Variants in MRPS9 observed in about 807,000 individuals in gnomAD.
MRPS9 encodes the protein mitochondrial ribosomal protein S9.
A neutral mutation model predicts 59.9 loss-of-function variants in MRPS9; 45 were observed. That is an observed-to-expected ratio of 0.75 (90% CI 0.59 to 0.96). MRPS9 has a LOEUF of 0.96. Among genes scored for constraint, MRPS9 ranks in the 40% least tolerant of loss-of-function variants. MRPS9 has a pLI of 0.00. For missense variants in MRPS9, 473 were observed against 481.1 expected (o/e 0.98, Z 0.16); for synonymous variants, 171 against 166.8 (o/e 1.03, Z -0.19).
chr2:105,081,826 A>C (rs923551210), intron 5 of MRPS9, among the ~76,000 whole-genome samples: 4 of 152,204 alleles, frequency 2.6e-5, no homozygotes, highest in African/African-American at 9.7e-5. Flanking sequence ...TCAATGCAGT[A>C]ATTTCTAAGT....
chr2:105,073,130 A>AT (rs376877674), intron 4 of MRPS9, among the ~76,000 whole-genome samples: 1 of 151,666 alleles, frequency 6.6e-6, no homozygotes, highest in East Asian at 1.9e-4. Flanking sequence ...TAACTCTTCT[A>AT]TTTTTTTAAA....
At chr2:105,042,931 A>G (rs560055961) in intron 1 of MRPS9, among the ~76,000 whole-genome samples, 2 of 152,258 alleles carry the variant, frequency 1.3e-5, no homozygotes, top group South Asian at 2.1e-4. Context: ...ATTATTAATA[A>G]TTTCCCAGTC....
chr2:105,048,077 A>G (rs7605240), intron 1 of MRPS9, among the ~76,000 whole-genome samples: 2,083 of 152,114 alleles, frequency 0.014, 52 homozygotes, highest in African/African-American at 0.048. Flanking sequence ...CACTATTCAC[A>G]ATAGCAAAGA....
intron 2 of MRPS9, among the ~76,000 whole-genome samples, chr2:105,058,910 C>T (rs1679844142): frequency 6.6e-6 from 1 of 152,046 alleles, no homozygotes; most frequent in South Asian, 2.1e-4. Flanking sequence ...GAACCCCTGA[C>T]CTTGTGATCC....
At chr2:105,079,856 G>A (rs1680293029) in intron 4 of MRPS9, 127 bp from the exon 5 acceptor site, 2 of 497,412 alleles carry the variant, frequency 4.0e-6, no homozygotes, top group Admixed American at 3.6e-5. Context: ...AATTCTAAAT[G>A]TTGGTGATTT....
At chr2:105,087,269 A>C (rs541708956) in intron 5 of MRPS9, among the ~76,000 whole-genome samples, 1 of 152,278 alleles carries the variant, frequency 6.6e-6, no homozygotes, top group African/African-American at 2.4e-5. Context: ...CAGGTGATGG[A>C]TATGTACTTG....
intron 7 of MRPS9, chr2:105,091,290 G>A (rs762555472): frequency 4.2e-6 from 2 of 471,094 alleles, no homozygotes; most frequent in South Asian, 3.1e-5. Flanking sequence ...TCAGAAGCAA[G>A]GCTGAGTTCC....
At chr2:105,038,369 G>C (rs530903113) in intron 1 of MRPS9, 142 bp downstream of exon 1, 22 of 1,127,972 alleles carry the variant, frequency 2.0e-5, no homozygotes, top group Admixed American at 5.2e-5. Context: ...CTGAGGTTGG[G>C]GGGGAGGAGG....
At chr2:105,091,301 A>C (rs763657938) in intron 7 of MRPS9, 1 of 471,062 alleles carries the variant, frequency 2.1e-6, no homozygotes, top group Non-Finnish European at 4.4e-6. Context: ...GCTGAGTTCC[A>C]CCCATAGTGC....
chr2:105,087,037 G>A lies in MRPS9; in HGVS notation c.490-1947G>A, dbSNP rs576095836. On this transcript the variant is annotated intron_variant, in intron 5 of 10. Transcript: ENST00000258455. The stretch of plus-strand genomic sequence containing the variant: ...TTTGAAGTCCCAACTCAGTATTGTA[G>A]CCTTTAAAAGTGAGTTAAAGGTACC... Among the ~76,000 whole-genome samples, 18 of 152,222 alleles carry A rather than the reference G, an allele frequency of 1.2e-4. 1 individual carries two copies. The highest frequency in any genetic ancestry group is 1.2e-3 in the East Asian group (6 of 5,184).
rs58438490 is a variant in MRPS9 at position 105,084,247 on chromosome 2, A to AATATATATATATATATATATATATATAT, written c.489+4207_489+4208insATATATATATATATATATATATATATAT. ...TGGCCACAGATGAAATATATACCAA[A>AATATATATATATATATATATATATATAT]ATATATATATATATATATATATGTA... On this transcript the variant is annotated intron_variant, in intron 5 of 10. Coordinates refer to ENST00000258455, the MANE Select transcript of MRPS9 (RefSeq NM_182640.3). Among the ~76,000 whole-genome samples the AATATATATATATATATATATATATATAT allele has an allele frequency of 1.8e-3, 245 of 139,436 alleles. 4 individuals carry two copies. Among genetic ancestry groups the AATATATATATATATATATATATATATAT allele is most frequent in the East Asian group, 0.011 (45 of 4,150 alleles). The allele number at this position is 139,436 out of a possible 152,430, so 91.5% of individuals were successfully genotyped here.
At chr2:105,095,313 G>A (rs1340964187) in intron 9 of MRPS9, among the ~76,000 whole-genome samples, 1 of 151,898 alleles carries the variant, frequency 6.6e-6, no homozygotes, top group African/African-American at 2.4e-5. Flanking sequence ...CACTTTCCTG[G>A]CTTAATTTTT....
intron 4 of MRPS9, among the ~76,000 whole-genome samples, chr2:105,073,313 T>C (rs1208125702): frequency 6.6e-6 from 1 of 152,154 alleles, no homozygotes; most frequent in Admixed American, 6.5e-5. Flanking sequence ...AACTGAAACT[T>C]CTATATATCC....
At chr2:105,074,840 G>T (rs558440917) in intron 4 of MRPS9, among the ~76,000 whole-genome samples, 1 of 152,114 alleles carries the variant, frequency 6.6e-6, no homozygotes, top group African/African-American at 2.4e-5. Flanking sequence ...CCTTTTTGGC[G>T]CCAGGGACCA....
rs1295940921 is a variant in MRPS9 at position 105,078,488 on chromosome 2, C to T, written c.410-1495C>T. On this transcript the variant is annotated intron_variant, in intron 4 of 10. Transcript: ENST00000258455. ...GACGGACTAACCATACAGTGAAAAT[C>T]AATTGCATAAGAAAAGAAAAATATT... 2.6e-5 allele frequency among the ~76,000 whole-genome samples: 4 copies of T among 152,030 alleles called. No homozygotes were observed. The South Asian group carries it at 8.3e-4, about 32-fold the overall frequency.
intron 2 of MRPS9, among the ~76,000 whole-genome samples, chr2:105,063,218 A>G (rs1221956290): frequency 6.6e-6 from 1 of 152,244 alleles, no homozygotes; most frequent in Admixed American, 6.5e-5. Context: ...GTAGTGCGCC[A>G]TGATCACATC....
At chr2:105,060,760 G>C (rs1054540153) in intron 2 of MRPS9, among the ~76,000 whole-genome samples, 3 of 152,238 alleles carry the variant, frequency 2.0e-5, no homozygotes, top group East Asian at 3.9e-4. Flanking sequence ...TGGCATTTGA[G>C]AGAAATAGAT....
chr2:105,058,377 G>C (rs1679831750), intron 2 of MRPS9, among the ~76,000 whole-genome samples: 1 of 152,168 alleles, frequency 6.6e-6, no homozygotes, highest in Non-Finnish European at 1.5e-5. Context: ...CTAATTAATA[G>C]AGATTGCATT....
intron 4 of MRPS9, among the ~76,000 whole-genome samples, chr2:105,075,308 C>G (rs892661514): frequency 6.6e-6 from 1 of 152,098 alleles, no homozygotes; most frequent in African/African-American, 2.4e-5. Context: ...TGCGAAACAC[C>G]CACTCTGGTC....
Sources: gnomAD v4.1 joint callset for allele counts (sites outside exome capture counted in the v4.1 genomes callset) on GRCh38, gnomAD v4.1.1 for gene constraint, MANE v1.5 for transcripts, NCBI Gene and HGNC (gene_info 2026-07-23, HGNC 2026-07-21) for gene names.